Variants in GRAMD2B observed in about 807,000 individuals in gnomAD.
The protein encoded by GRAMD2B is GRAM domain containing 2B.
A neutral mutation model predicts 59.2 loss-of-function variants in GRAMD2B; 41 were observed. That is an observed-to-expected ratio of 0.69 (90% CI 0.54 to 0.90). The LOEUF (loss-of-function observed/expected upper bound fraction) is 0.90. Among genes scored for constraint, GRAMD2B ranks in the 40% least tolerant of loss-of-function variants. The pLI, the probability that GRAMD2B is intolerant of heterozygous loss-of-function variation, is 0.00. For missense variants in GRAMD2B, 424 were observed against 500.5 expected, an observed-to-expected ratio of 0.85 and a Z score of 1.46; for synonymous variants, 161 against 182.7, an observed-to-expected ratio of 0.88 and a Z score of 0.96.
intron 1 of GRAMD2B, among the ~76,000 whole-genome samples, chr5:126,395,380 C>T (rs1333761945): frequency 2.0e-5 from 3 of 152,078 alleles, no homozygotes; most frequent in East Asian, 1.9e-4. Context: ...CTGAAGTCCC[C>T]GGCTGGTTTG....
chr5:126,369,471 G>A (rs10519910), upstream of GRAMD2B, among the ~76,000 whole-genome samples: 48,871 of 151,866 alleles, frequency 0.32, 8,306 homozygotes, highest in South Asian at 0.57. Flanking sequence ...AAAGATATTA[G>A]CTAGTACAGA....
At chr5:126,472,811 G>A (rs920960475) in intron 4 of GRAMD2B, among the ~76,000 whole-genome samples, 1 of 152,176 alleles carries the variant, frequency 6.6e-6, no homozygotes, top group Non-Finnish European at 1.5e-5. Context: ...CTCTCTTGAT[G>A]TGCAAAAGTT....
chr5:126,451,578 A>G (rs1173984541), intron 1 of GRAMD2B, among the ~76,000 whole-genome samples: 1 of 152,144 alleles, frequency 6.6e-6, no homozygotes, highest in Non-Finnish European at 1.5e-5. Context: ...GTGGTAGGAG[A>G]TGAGTCTCTT....
At chr5:126,452,181 T>A (rs1008557113) in intron 1 of GRAMD2B, among the ~76,000 whole-genome samples, 2 of 152,186 alleles carry the variant, frequency 1.3e-5, no homozygotes, top group Non-Finnish European at 2.9e-5. Flanking sequence ...AAGTTCAAGA[T>A]CAAGTCATCA....
chr5:126,360,937 C>T lies in GRAMD2B; in HGVS notation c.128+478C>T, dbSNP rs367591906. Among the ~76,000 whole-genome samples, 8 of 152,244 alleles carry T rather than the reference C, an allele frequency of 5.3e-5. No homozygotes were observed. In the East Asian group the frequency reaches 1.5e-3, roughly 29 times the overall value. On this transcript the variant is annotated intron_variant, in intron 1 of 13. Transcript: ENST00000513040. ...CTCTCTACATTTTGGTTTTAGGTTCCTTTTAACCTAGAAAGGTAGGTTTGG... is the reference window on the plus strand; with the variant it reads ...CTCTCTACATTTTGGTTTTAGGTTCTTTTTAACCTAGAAAGGTAGGTTTGG...
chr5:126,453,546 A>G (rs1765744394), intron 1 of GRAMD2B, among the ~76,000 whole-genome samples: 1 of 152,212 alleles, frequency 6.6e-6, no homozygotes, highest in African/African-American at 2.4e-5. Context: ...AGCAGCATCA[A>G]TCTTCCTTGG....
chr5:126,418,686 T>C (rs558363315), upstream of GRAMD2B, among the ~76,000 whole-genome samples: 1 of 152,344 alleles, frequency 6.6e-6, no homozygotes, highest in Admixed American at 6.5e-5. Context: ...GTTATATTCA[T>C]TGGGAACCTT....
chr5:126,444,899 C>T (rs1215104339), intron 1 of GRAMD2B, among the ~76,000 whole-genome samples: 1 of 152,174 alleles, frequency 6.6e-6, no homozygotes, highest in Non-Finnish European at 1.5e-5. Context: ...TCCCTGTGTG[C>T]ATGTGTTCTC....
At chr5:126,401,178 G>A (rs1250831897) in intron 1 of GRAMD2B, among the ~76,000 whole-genome samples, 1 of 151,834 alleles carries the variant, frequency 6.6e-6, no homozygotes, top group Admixed American at 6.6e-5. Context: ...AACATATGAT[G>A]TGTCTCTGAG....
In GRAMD2B at chr5:126,411,927, A is replaced by G. The variant is rs576844059; in HGVS notation, c.125+40360A>G. Among the ~76,000 whole-genome samples the G allele has an allele frequency of 3.3e-5, 5 of 151,832 alleles. No homozygotes were observed. In the South Asian group the frequency reaches 1.0e-3, roughly 32 times the overall value. ...CTCTCAACTTGAACATCATTTGTGT[A>G]TAGAAATGCTACTGATTTTTGTACA... On this transcript the variant is annotated intron_variant, in intron 1 of 8. Transcript: ENST00000506445.
chr5:126,437,476 A>C (rs1285719815), intron 1 of GRAMD2B, among the ~76,000 whole-genome samples: 1 of 152,134 alleles, frequency 6.6e-6, no homozygotes, highest in Non-Finnish European at 1.5e-5. Context: ...TAGCAGATAG[A>C]TTTGGCAATT....
At chr5:126,432,040 C>T (rs960880996) in intron 1 of GRAMD2B, among the ~76,000 whole-genome samples, 2 of 152,164 alleles carry the variant, frequency 1.3e-5, no homozygotes, top group African/African-American at 4.8e-5. Flanking sequence ...GTGGTCCTCC[C>T]ACCTCAGCCT....
chr5:126,446,571 C>T (rs1284521310), intron 1 of GRAMD2B, among the ~76,000 whole-genome samples: 1 of 149,046 alleles, frequency 6.7e-6, no homozygotes, highest in Non-Finnish European at 1.5e-5. Context: ...CAATGCCTAG[C>T]TTCATTAGTC....
In GRAMD2B at chr5:126,493,311, C is replaced by T; in HGVS notation, c.*355C>T. 1 of 246,186 alleles carries T rather than the reference C, an allele frequency of 4.1e-6. No homozygotes were observed. 15.3% of individuals were successfully genotyped at this position (246,186 alleles called of 1,614,324 possible). On this transcript the variant is annotated 3_prime_UTR_variant, in exon 14 of 14. Coordinates refer to ENST00000285689, the MANE Select transcript of GRAMD2B (RefSeq NM_023927.4). ...TGCCTTTTTAGTCCTTCCCGCCCTC[C>T]TGCCTCTCCCTTACACCCCTCTTAA...
At chr5:126,429,506 A>G (rs68101817) in intron 1 of GRAMD2B, among the ~76,000 whole-genome samples, 7,164 of 152,240 alleles carry the variant, frequency 0.047, 199 homozygotes, top group African/African-American at 0.081. Context: ...CTATATGACA[A>G]ACCTGCATAT....
At chr5:126,390,675 C>G (rs1215442125) in intron 1 of GRAMD2B, among the ~76,000 whole-genome samples, 2 of 152,290 alleles carry the variant, frequency 1.3e-5, no homozygotes, top group African/African-American at 4.8e-5. Context: ...AGAGTGATAA[C>G]TTTAATTCTG....
chr5:126,423,485 A>AGG lies in GRAMD2B; in HGVS notation c.-120_-119dup. 2 of 1,459,814 alleles carry AGG rather than the reference A, an allele frequency of 1.4e-6. No homozygotes were observed. Among genetic ancestry groups the AGG allele is most frequent in the Non-Finnish European group, 1.8e-6 (2 of 1,111,664 alleles). 90.4% of individuals were successfully genotyped at this position (1,459,814 alleles called of 1,614,324 possible). ...GGCCCGGCCTGGATGCGCTGGGCGG[A>AGG]GGGTGCAGGGGAGGGCACGGCGCCG... is the stretch of plus-strand genomic sequence containing the variant. On this transcript the variant is annotated 5_prime_UTR_variant, in exon 1 of 14. It introduces an in-frame stop codon into an upstream open reading frame of the 5' UTR. Transcript: ENST00000285689.
At chr5:126,371,516 A>G (rs1470042265) in exon 1 of GRAMD2B, 2 of 1,289,292 alleles carry the variant, frequency 1.6e-6, no homozygotes, top group South Asian at 1.2e-5. Flanking sequence ...AGGAAGGCCA[A>G]CGTGGAGGCC....
chr5:126,481,209 AAGAAAGAAAGAAAGAAAGAAAGAAAG>A (rs1771723864), intron 8 of GRAMD2B, among the ~76,000 whole-genome samples: 1 of 65,992 alleles, frequency 1.5e-5, no homozygotes, highest in Non-Finnish European at 3.2e-5. Context: ...AAAAAAAAGA[AAGAAAGAAAGAAAGAAAGAAAGAAAG>A]AAAGAAAGAA....
Sources: allele counts gnomAD v4.1 joint callset (sites outside exome capture counted in the v4.1 genomes callset), GRCh38; gene constraint gnomAD v4.1.1; transcripts MANE v1.5; gene names NCBI Gene and HGNC (gene_info 2026-07-23, HGNC 2026-07-21).